The following AAMDC variants were observed in gnomAD, a reference collection of about 807,000 sequenced individuals.
AAMDC encodes the protein adipogenesis associated Mth938 domain containing, also known as mth938 domain-containing protein.
Under a neutral mutation model 15.5 loss-of-function variants are expected in AAMDC, and 16 were observed. The observed-to-expected ratio is 1.03, with a 90% CI of 0.70 to 1.57. The LOEUF (loss-of-function observed/expected upper bound fraction) is 1.57. Ranked by LOEUF, AAMDC falls within the 40% of genes most tolerant of loss-of-function variation. The pLI is 0.00. For missense variants in AAMDC, 141 were observed against 144.9 expected, an observed-to-expected ratio of 0.97 and a Z score of 0.14; for synonymous variants, 51 against 51.6, an observed-to-expected ratio of 0.99 and a Z score of 0.05.
At chr11:77,825,091 T>C (rs1949107236) in intron 1 of AAMDC, among the ~76,000 whole-genome samples, 1 of 152,080 alleles carries the variant, frequency 6.6e-6, no homozygotes, top group Admixed American at 6.6e-5. Context: ...CGCCATTCTA[T>C]TGCCTCAGCC....
chr11:77,832,951 A>ATGTGTGTGTG (rs146936151), intron 1 of AAMDC, among the ~76,000 whole-genome samples: 3 of 68,426 alleles, frequency 4.4e-5, no homozygotes, highest in Non-Finnish European at 7.9e-5. Flanking sequence ...GTATATATAT[A>ATGTGTGTGTG]TGTGTGTGTG....
intron 2 of AAMDC, among the ~76,000 whole-genome samples, chr11:77,859,417 G>A (rs958368298): frequency 9.2e-5 from 14 of 152,156 alleles, no homozygotes; most frequent in African/African-American, 3.4e-4. Context: ...GCTTCCTGAT[G>A]TTTGATAGGT....
chr11:77,845,524 A>G (rs1247165395), intron 2 of AAMDC, among the ~76,000 whole-genome samples: 1 of 151,910 alleles, frequency 6.6e-6, no homozygotes, highest in Non-Finnish European at 1.5e-5. Context: ...TCCGCCTCCC[A>G]GGTTCAAGCA....
chr11:77,900,173 C>T (rs1952717599), intron 5 of AAMDC, among the ~76,000 whole-genome samples: 1 of 151,824 alleles, frequency 6.6e-6, no homozygotes, highest in Non-Finnish European at 1.5e-5. Flanking sequence ...GATTTCGGCC[C>T]ACTGCAACCT....
chr11:77,876,227 C>T (rs1200944649), downstream of AAMDC, among the ~76,000 whole-genome samples: 2 of 152,130 alleles, frequency 1.3e-5, no homozygotes, highest in Non-Finnish European at 2.9e-5. Context: ...TGCTAGACCA[C>T]TCACTAAGAA....
At chr11:77,830,962 G>A (rs1232968045) in intron 1 of AAMDC, among the ~76,000 whole-genome samples, 8 of 136,474 alleles carry the variant, frequency 5.9e-5, no homozygotes, top group East Asian at 2.1e-4. Context: ...GAAACATGGC[G>A]AGACCCTGTC....
At chr11:77,880,637 C>A (rs905089375) in intron 5 of AAMDC, among the ~76,000 whole-genome samples, 7 of 152,162 alleles carry the variant, frequency 4.6e-5, no homozygotes, top group Non-Finnish European at 7.3e-5. Context: ...CAACCACAGC[C>A]CCAGTTGGCA....
rs112004597 is a variant in AAMDC, at chr11:77,842,628, G to A, written c.132G>A (p.Glu44=). 1.9e-6 allele frequency: 3 copies of A among 1,613,612 alleles called. No individual in the cohort carries two copies. Among genetic ancestry groups the A allele is most frequent in the African/African-American group, 1.3e-5 (1 of 75,016 alleles). ...GGGATTGGAGAGAAACAGGAACTGA[G>A]GTAAGATATTAGTCTTTGGTTGATA... is the stretch of plus-strand genomic sequence containing the variant. ...RTWDWRETGT[E]HSPGVQPADV... Residue 44 remains glutamate, a splice_region_variant and synonymous_variant, in exon 2 of 4, where the codon GAG becomes GAA. Coordinates refer to ENST00000393427, the MANE Select transcript of AAMDC (RefSeq NM_024684.4).
intron 2 of AAMDC, among the ~76,000 whole-genome samples, chr11:77,848,366 CTTTT>C (rs1007926072): frequency 1.3e-5 from 2 of 149,540 alleles, no homozygotes; most frequent in Non-Finnish European, 3.0e-5. Flanking sequence ...TAACCTCATT[CTTTT>C]TTTTTTGAGA....
At chr11:77,901,371 G>A (rs1282192291), downstream of AAMDC, 4 of 1,593,876 alleles carry the variant, frequency 2.5e-6, no homozygotes, top group Admixed American at 6.7e-5. Flanking sequence ...TGCATTTGAA[G>A]TATCTTTGAA....
chr11:77,822,583 T>C (rs996405623), intron 1 of AAMDC, among the ~76,000 whole-genome samples: 1 of 152,094 alleles, frequency 6.6e-6, no homozygotes, highest in African/African-American at 2.4e-5. Context: ...TTCCAGGTTT[T>C]AAAAAGGGGA....
intron 5 of AAMDC, among the ~76,000 whole-genome samples, chr11:77,889,824 A>G (rs949398432): frequency 1.6e-4 from 24 of 152,202 alleles, no homozygotes; most frequent in Admixed American, 7.9e-4. Flanking sequence ...TAAAAGGTTT[A>G]GCCTTGCGTG....
At chr11:77,884,524 A>T (rs1311243355) in intron 5 of AAMDC, among the ~76,000 whole-genome samples, 2 of 152,160 alleles carry the variant, frequency 1.3e-5, no homozygotes, top group Non-Finnish European at 2.9e-5. Context: ...TAGACAGCCT[A>T]CTATACTGCA....
chr11:77,822,990 CG>C (rs1271898874), intron 1 of AAMDC, among the ~76,000 whole-genome samples: 2 of 151,950 alleles, frequency 1.3e-5, no homozygotes, highest in Admixed American at 6.6e-5. Flanking sequence ...TCGAGACGGG[CG>C]GGTCACGAGG....
chr11:77,852,836 T>A (rs1950456010), intron 2 of AAMDC, among the ~76,000 whole-genome samples: 1 of 152,202 alleles, frequency 6.6e-6, no homozygotes, highest in South Asian at 2.1e-4. Flanking sequence ...ACTTAATATA[T>A]ACAGAAAATC....
chr11:77,866,818 C>A (rs603462), intron 2 of AAMDC: 60,633 of 151,842 alleles, frequency 0.4, 12,692 homozygotes, highest in African/African-American at 0.51. Context: ...TCATATTCAT[C>A]CTCCCCATAC....
chr11:77,889,410 G>A (rs201173895), intron 5 of AAMDC, among the ~76,000 whole-genome samples: 1 of 147,340 alleles, frequency 6.8e-6, no homozygotes, highest in Admixed American at 6.8e-5. Context: ...GTAGGGGGAG[G>A]GGGGAGGGAT....
chr11:77,858,064 G>T (rs4491258), intron 2 of AAMDC, among the ~76,000 whole-genome samples: 25,994 of 151,920 alleles, frequency 0.17, 2,719 homozygotes, highest in African/African-American at 0.27. Flanking sequence ...GGTGACCCAG[G>T]CTGGAGTACA....
intron 2 of AAMDC, among the ~76,000 whole-genome samples, chr11:77,859,829 G>A (rs1023853437): frequency 2.0e-5 from 3 of 152,208 alleles, no homozygotes; most frequent in African/African-American, 4.8e-5. Context: ...AGTTGCACAA[G>A]TGCACAGTCG....
Sources: gnomAD v4.1 joint callset for allele counts (sites outside exome capture counted in the v4.1 genomes callset) on GRCh38, gnomAD v4.1.1 for gene constraint, MANE v1.5 for transcripts, NCBI Gene and HGNC (gene_info 2026-07-23, HGNC 2026-07-21) for gene names.